The following FOXP4 variants were observed in gnomAD, a reference collection of about 807,000 sequenced individuals.
The protein encoded by FOXP4 is forkhead box protein P4.
A neutral mutation model predicts 82.6 loss-of-function variants in FOXP4; 25 were observed. The ratio of observed to expected loss-of-function variants is 0.30; its 90% CI spans 0.22 to 0.42. FOXP4 has a LOEUF of 0.42. Among genes scored for constraint, FOXP4 ranks in the 10% least tolerant of loss-of-function variants. FOXP4 has a pLI of 1.00. For synonymous variants in FOXP4, 415 were observed against 388.2 expected (o/e 1.07, Z -0.81); for missense variants, 785 against 900.9 (o/e 0.87, Z 1.65).
Position 41,597,932 on chromosome 6 carries a change from T to TCTCCCCGCCC in FOXP4, c.1879_1888dup (p.Gln630LeufsTer32). The TCTCCCCGCCC allele has an allele frequency of 6.4e-7, 1 of 1,552,818 alleles. No homozygotes were observed. The highest frequency in any genetic ancestry group is 2.4e-5 in the East Asian group (1 of 42,196). ...AACGGCAGCAGCAGCCCTCCTCGCCTCTCCCCGCCCCAGTACAGGTGAGCA... is the reference window on the plus strand; with the variant it reads ...AACGGCAGCAGCAGCCCTCCTCGCCTCTCCCCGCCCCTCCCCGCCCCAGTACAGGTGAGCA... On this transcript the variant is annotated frameshift_variant, in exon 16 of 17. Transcript: ENST00000307972. LOFTEE classifies it high-confidence loss of function.
At chr6:41,557,154 C>T (rs1410421265) in intron 1 of FOXP4, among the ~76,000 whole-genome samples, 7 of 152,312 alleles carry the variant, frequency 4.6e-5, no homozygotes, top group African/African-American at 9.6e-5. Context: ...CACCCAGATT[C>T]GACAGGGCCT....
chr6:41,591,290 G>T lies in FOXP4; in HGVS notation c.1504G>T (p.Ala502Ser). 1 of 1,606,820 alleles carries T rather than the reference G, an allele frequency of 6.2e-7. No individual in the cohort carries two copies. The highest frequency in any genetic ancestry group is 8.5e-7 in the Non-Finnish European group (1 of 1,176,508). ...CTATAACTGGTTCACCAGGATGTTCGCCTATTTCCGCAGAAACACTGCCAC... is the reference window on the plus strand; with the variant it reads ...CTATAACTGGTTCACCAGGATGTTCTCCTATTTCCGCAGAAACACTGCCAC... ...EIYNWFTRMFAYFRRNTATWK... is the reference protein window; with the variant it reads ...EIYNWFTRMFSYFRRNTATWK... Residue 502 changes from alanine (A) to serine (S), a missense_variant, in exon 13 of 17, where the codon GCC becomes TCC. Physicochemically the swap from Ala to Ser is moderately conservative, Grantham distance 99. Around this residue, in one of 3 missense-constraint regions of FOXP4, gnomAD observed 31 missense variants for 79.6 expected, o/e 0.39. Transcript: ENST00000307972. The surrounding 1 kb of genome is among the most constrained non-coding windows in gnomAD (Gnocchi z 4.2).
intron 2 of FOXP4, among the ~76,000 whole-genome samples, chr6:41,572,951 C>T (rs1374188594): frequency 1.3e-5 from 2 of 152,040 alleles, no homozygotes; most frequent in Non-Finnish European, 1.5e-5. Context: ...TTTTTTGACC[C>T]ACTAAATTGA....
At chr6:41,547,441 GC>G (rs199563653) in intron 1 of FOXP4, 5,239 of 152,722 alleles carry the variant, frequency 0.034, 137 homozygotes, top group South Asian at 0.073. Flanking sequence ...GGGCAAGAGA[GC>G]GGGGGATCGC....
At position 41,594,618 on chromosome 6, in the gene FOXP4, A is replaced by G. The variant is rs529699197; in HGVS notation, c.1537-252A>G. Among the ~76,000 whole-genome samples the G allele has an allele frequency of 8.5e-5, 13 of 152,330 alleles. No individual in the cohort carries two copies. In the South Asian group the frequency reaches 2.7e-3, roughly 32 times the overall value. ...TAGACAGAACTTTCCAAGATGTGGC[A>G]GGGAGAGAGGAGGCAGCTAATAAAA... On this transcript the variant is annotated intron_variant, in intron 13 of 16. Coordinates refer to ENST00000307972, the MANE Select transcript of FOXP4 (RefSeq NM_001012426.2).
chr6:41,583,865 A>G (rs894671058), intron 3 of FOXP4, among the ~76,000 whole-genome samples: 2 of 152,144 alleles, frequency 1.3e-5, no homozygotes, highest in Non-Finnish European at 2.9e-5. Flanking sequence ...TGGGCCTTCT[A>G]TAGAGGCCTG....
At chr6:41,555,889 C>T (rs922606492) in intron 1 of FOXP4, among the ~76,000 whole-genome samples, 2 of 152,154 alleles carry the variant, frequency 1.3e-5, no homozygotes, top group South Asian at 2.1e-4. Flanking sequence ...ACTTAGATGG[C>T]TCTTATGTTT....
intron 3 of FOXP4, among the ~76,000 whole-genome samples, chr6:41,578,713 T>G (rs998514532): frequency 6.6e-4 from 21 of 32,044 alleles, no homozygotes; most frequent in South Asian, 1.2e-3. Flanking sequence ...CTGTGGGGGG[T>G]GGGCGGGGGG....
intron 3 of FOXP4, among the ~76,000 whole-genome samples, chr6:41,579,832 T>C (rs1377860171): frequency 6.6e-6 from 1 of 152,182 alleles, no homozygotes; most frequent in Non-Finnish European, 1.5e-5. Context: ...AACTAACAAC[T>C]GACATATACA....
chr6:41,555,868 CT>C lies in FOXP4; in HGVS notation c.-17+9003del, dbSNP rs140295784. 3.3e-5 allele frequency among the ~76,000 whole-genome samples: 5 copies of C among 152,320 alleles called. No individual in the cohort carries two copies. The East Asian group carries it at 9.6e-4, about 29-fold the overall frequency. On this transcript the variant is annotated intron_variant, in intron 1 of 16. Transcript: ENST00000307972. ...GTAACAAGCAGGGACTAATTAGAAG[CT>C]TAATTAGACACTTAGATGGCTCTTA...
intron 2 of FOXP4, among the ~76,000 whole-genome samples, chr6:41,573,640 G>A (rs376151729): frequency 4.6e-5 from 7 of 152,146 alleles, no homozygotes; most frequent in African/African-American, 1.4e-4. Context: ...TCATAATAGC[G>A]TTCGTCCAGG....
chr6:41,586,919 TGGGAGG>T, intron 5 of FOXP4, 84 bp from the exon 6 acceptor site: 1 of 1,467,316 alleles, frequency 6.8e-7, no homozygotes. Flanking sequence ...TGACAGGCCC[TGGGAGG>T]GGGTGGCCGC....
In FOXP4 at chr6:41,549,924, G is replaced by A. The variant is rs184126681; in HGVS notation, c.-17+3057G>A. 5.9e-5 allele frequency among the ~76,000 whole-genome samples: 9 copies of A among 152,226 alleles called. No individual in the cohort carries two copies. In the East Asian group the frequency reaches 1.2e-3, roughly 20 times the overall value. On this transcript the variant is annotated intron_variant, in intron 1 of 16. Transcript: ENST00000307972. ...AGCCCCCCAGTCCCATCCTAAGCAG[G>A]CACAATGTCTTTATTTTTTGAATAG... is the stretch of plus-strand genomic sequence containing the variant.
At position 41,580,210 on chromosome 6, in the gene FOXP4, TTTGTATTTTTAGTAGGG is replaced by T. The variant is rs1343023553; in HGVS notation, c.300+2146_300+2162del. 3.6e-4 allele frequency among the ~76,000 whole-genome samples: 55 copies of T among 151,962 alleles called. 1 individual carries two copies. The highest frequency in any genetic ancestry group is 2.6e-3 in the Admixed American group (39 of 15,258). On this transcript the variant is annotated intron_variant, in intron 3 of 16. Transcript: ENST00000307972. ...GCATGCACCACCAAGCCCAGCTAATTTTGTATTTTTAGTAGGGTTGTATTTTTAGTAGGTTTTAGTAG... is the reference window on the plus strand; with the variant it reads ...GCATGCACCACCAAGCCCAGCTAATTTTGTATTTTTAGTAGGTTTTAGTAG...
At chr6:41,582,338 G>A (rs55974776) in intron 3 of FOXP4, among the ~76,000 whole-genome samples, 32 of 152,328 alleles carry the variant, frequency 2.1e-4, no homozygotes, top group African/African-American at 7.7e-4. Flanking sequence ...CGTGTAAAGG[G>A]CTTAGCCAAG....
intron 1 of FOXP4, among the ~76,000 whole-genome samples, chr6:41,550,828 G>A (rs976534109): frequency 2.0e-5 from 3 of 152,214 alleles, no homozygotes; most frequent in Non-Finnish European, 2.9e-5. Flanking sequence ...TCCCCAGAAT[G>A]CAGAGGAGGA....
At chr6:41,554,705 CAA>C (rs1581700463) in intron 1 of FOXP4, among the ~76,000 whole-genome samples, 1 of 152,146 alleles carries the variant, frequency 6.6e-6, no homozygotes, top group East Asian at 1.9e-4. Context: ...ACTAAAAATA[CAA>C]AAGTTAGCCG....
Position 41,565,875 on chromosome 6 carries a change from G to A in FOXP4, c.115G>A (p.Ala39Thr). Residue 39 changes from alanine to threonine, a missense_variant, in exon 2 of 17, where the codon GCA becomes ACA. Physicochemically the swap from Ala to Thr is moderately conservative, Grantham distance 58. This residue lies in a region of FOXP4 where 570 missense variants were observed against 634.0 expected (regional missense o/e 0.90). Transcript: ENST00000307972. Reference sequence around the variant, plus strand: ...CAGCGGCGGGGCCACAGGGACAACTGCAAGTGGCACGGGCAGGGAAGTGAC... The same window carrying A: ...CAGCGGCGGGGCCACAGGGACAACTACAAGTGGCACGGGCAGGGAAGTGAC... ...GSSGGATGTT[A>T]SGTGREVTTG... is the part of the protein sequence containing the mutation. 6.2e-7 allele frequency: 1 copy of A among 1,613,990 alleles called. No homozygotes were observed. The highest frequency in any genetic ancestry group is 8.5e-7 in the Non-Finnish European group (1 of 1,180,040).
intron 5 of FOXP4, among the ~76,000 whole-genome samples, chr6:41,586,249 C>T (rs1014189024): frequency 1.3e-5 from 2 of 152,152 alleles, no homozygotes; most frequent in Non-Finnish European, 2.9e-5. Context: ...TATCCTGTGT[C>T]TCTCTATTGA....
Sources: allele counts gnomAD v4.1 joint callset (sites outside exome capture counted in the v4.1 genomes callset), GRCh38; gene constraint gnomAD v4.1.1; regional missense constraint gnomAD v4.1.1; non-coding constraint Gnocchi (gnomAD v3.1); transcripts MANE v1.5; gene names NCBI Gene and HGNC (gene_info 2026-07-23, HGNC 2026-07-21).